The following SLC20A2 variants were observed in gnomAD, a reference collection of about 807,000 sequenced individuals.
SLC20A2 encodes the protein solute carrier family 20 member 2, also known as sodium-dependent phosphate transporter 2.
Under a neutral mutation model 61.0 loss-of-function variants are expected in SLC20A2, and 30 were observed. That is an observed-to-expected ratio of 0.49 (90% confidence interval 0.37 to 0.67). The LOEUF (loss-of-function observed/expected upper bound fraction) is 0.67, where lower values mean the gene tolerates loss of function less well. Among genes scored for constraint, SLC20A2 ranks in the 30% least tolerant of loss-of-function variants. The pLI is 0.00. For synonymous variants in SLC20A2, 351 were observed against 353.3 expected (o/e 0.99, Z 0.07); for missense variants, 626 against 866.4 (o/e 0.72, Z 3.48).
chr8:42,451,828 TGA>T (rs1805700065), intron 5 of SLC20A2, among the ~76,000 whole-genome samples: 1 of 70,906 alleles, frequency 1.4e-5, no homozygotes, highest in Non-Finnish European at 2.7e-5. Flanking sequence ...AAGGAAGAGA[TGA>T]GGAGGAGAAG....
chr8:42,514,033 G>A (rs1245716332), intron 1 of SLC20A2, among the ~76,000 whole-genome samples: 3 of 152,174 alleles, frequency 2.0e-5, no homozygotes, highest in Non-Finnish European at 4.4e-5. Flanking sequence ...CTAGATTGCT[G>A]GGGCCTACAA....
intron 6 of SLC20A2, among the ~76,000 whole-genome samples, chr8:42,443,405 C>T (rs910773107): frequency 6.7e-6 from 1 of 150,086 alleles, no homozygotes; most frequent in African/African-American, 2.4e-5. Flanking sequence ...ACCTCTGCCC[C>T]CCCGGGTTCA....
chr8:42,444,824 GC>G, intron 5 of SLC20A2, 62 bp from the exon 6 acceptor site: 1 of 1,207,326 alleles, frequency 8.3e-7, no homozygotes. Flanking sequence ...AGGCCTCAGG[GC>G]GGTGGACTTC....
intron 8 of SLC20A2, among the ~76,000 whole-genome samples, chr8:42,436,085 C>T (rs1230582781): frequency 1.3e-5 from 2 of 151,894 alleles, no homozygotes; most frequent in African/African-American, 4.8e-5. Flanking sequence ...CACTGCACTC[C>T]AGCCTGGGGA....
intron 10 of SLC20A2, among the ~76,000 whole-genome samples, chr8:42,420,205 CTCT>C (rs1802951924): frequency 6.6e-6 from 1 of 151,648 alleles, no homozygotes; most frequent in African/African-American, 2.4e-5. Flanking sequence ...AAAAAATTGT[CTCT>C]TCATGTATTT....
At position 42,445,610 on chromosome 8, in the gene SLC20A2, A is replaced by C. The variant is rs1303422967; in HGVS notation, c.614-848T>G. Among the ~76,000 whole-genome samples, 4 of 151,772 alleles carry C rather than the reference A, an allele frequency of 2.6e-5. No individual in the cohort carries two copies. In the East Asian group the frequency reaches 7.8e-4, roughly 30 times the overall value. ...GGCGCGGTGACAGGCGCCTGTAATC[A>C]CAGCTACTCAGGAGGCTGAGGCAGG... On this transcript the variant is annotated intron_variant, in intron 5 of 10. Transcript: ENST00000520262.
At position 42,441,200 on chromosome 8, in the gene SLC20A2, G is replaced by A. The variant is rs115052523; in HGVS notation, c.731-1547C>T. 7.8e-3 allele frequency among the ~76,000 whole-genome samples: 1,148 copies of A among 148,110 alleles called. 12 individuals carry two copies. The highest frequency in any genetic ancestry group is 0.027 in the African/African-American group (1,056 of 39,712). On this transcript the variant is annotated intron_variant, in intron 6 of 10. Coordinates refer to ENST00000520262, the MANE Select transcript of SLC20A2 (RefSeq NM_001257180.2). ...ACTCTTTTTGCCCAGGCTAGAGTGC[G>A]CTGGAGTGCACTAGCGTGATCTCCG...
chr8:42,447,473 G>A (rs7835164), intron 5 of SLC20A2, among the ~76,000 whole-genome samples: 24 of 151,862 alleles, frequency 1.6e-4, no homozygotes, highest in Middle Eastern at 3.4e-3. Context: ...GTCAGGAGAT[G>A]GAGACCATCC....
intron 1 of SLC20A2, among the ~76,000 whole-genome samples, chr8:42,488,798 A>G (rs1449217832): frequency 6.6e-6 from 1 of 152,094 alleles, no homozygotes; most frequent in Non-Finnish European, 1.5e-5. Flanking sequence ...TTTCCTGAAT[A>G]ATTTGTGATA....
chr8:42,503,448 A>C (rs1049788428), upstream of SLC20A2, among the ~76,000 whole-genome samples: 1 of 152,234 alleles, frequency 6.6e-6, no homozygotes, highest in Non-Finnish European at 1.5e-5. Context: ...CCACTAATGA[A>C]TGAACCCAGA....
intron 1 of SLC20A2, among the ~76,000 whole-genome samples, chr8:42,535,566 C>A (rs188170767): frequency 3.9e-4 from 59 of 152,322 alleles, no homozygotes; most frequent in Non-Finnish European, 7.4e-4. Flanking sequence ...GGTTTACACT[C>A]CGCTGTAAGA....
chr8:42,500,137 T>A (rs1346885122), intron 1 of SLC20A2, among the ~76,000 whole-genome samples: 1 of 152,236 alleles, frequency 6.6e-6, no homozygotes, highest in African/African-American at 2.4e-5. Flanking sequence ...ACCTATCCTA[T>A]CGCCTAGGAG....
intron 1 of SLC20A2, among the ~76,000 whole-genome samples, chr8:42,531,699 G>T (rs1812331677): frequency 6.6e-6 from 1 of 152,024 alleles, no homozygotes; most frequent in Non-Finnish European, 1.5e-5. Flanking sequence ...AAAAGGGTTG[G>T]TTGTTAATGG....
intron 1 of SLC20A2, among the ~76,000 whole-genome samples, chr8:42,540,737 T>C (rs1264379415): frequency 6.6e-6 from 1 of 152,202 alleles, no homozygotes; most frequent in Non-Finnish European, 1.5e-5. Context: ...AAATGTATAG[T>C]AAAGACGAAC....
chr8:42,428,904 T>G, intron 9 of SLC20A2, 62 bp from the exon 10 acceptor site: 1 of 1,387,058 alleles, frequency 7.2e-7, no homozygotes, highest in Non-Finnish European at 9.7e-7. Flanking sequence ...TGACACCCCG[T>G]GGGTGCTAGA....
chr8:42,541,761 G>A (rs1813202839), intron 1 of SLC20A2: 1 of 149,318 alleles, frequency 6.7e-6, no homozygotes, highest in African/African-American at 2.4e-5. Flanking sequence ...GCGTCACCCG[G>A]CCCCGCCCCG....
At chr8:42,476,150 G>A (rs1030336421) in intron 1 of SLC20A2, among the ~76,000 whole-genome samples, 1 of 132,112 alleles carries the variant, frequency 7.6e-6, no homozygotes, top group Non-Finnish European at 1.6e-5. Flanking sequence ...AGGCTGGAGT[G>A]CAGTGGCGCG....
chr8:42,462,387 G>C (rs1467543451), intron 4 of SLC20A2, among the ~76,000 whole-genome samples: 3 of 152,172 alleles, frequency 2.0e-5, no homozygotes, highest in African/African-American at 7.2e-5. Context: ...GTCCCTGCCT[G>C]CAGAGGAAGC....
chr8:42,431,146 A>G (rs779611055), intron 8 of SLC20A2, among the ~76,000 whole-genome samples: 3 of 152,278 alleles, frequency 2.0e-5, no homozygotes, highest in Admixed American at 6.5e-5. Flanking sequence ...AATCGGAGAC[A>G]GGCCAAAAAC....
Sources: gnomAD v4.1 joint callset for allele counts (sites outside exome capture counted in the v4.1 genomes callset) on GRCh38, gnomAD v4.1.1 for gene constraint, MANE v1.5 for transcripts, NCBI Gene and HGNC (gene_info 2026-07-23, HGNC 2026-07-21) for gene names.